The following IL9R variants were observed in gnomAD, a reference collection of about 807,000 sequenced individuals.
IL9R encodes the protein interleukin-9 receptor.
In IL9R, 54 loss-of-function variants were observed where a neutral mutation model predicts 56.3. That is an observed-to-expected ratio of 0.96 (90% confidence interval 0.77 to 1.20). IL9R has a LOEUF of 1.20. Ranked by LOEUF, IL9R falls within the 50% of genes most tolerant of loss-of-function variation. The pLI is 0.00. For missense variants in IL9R, 545 were observed against 629.8 expected (o/e 0.87, Z 1.44); for synonymous variants, 212 against 250.2 (o/e 0.85, Z 1.44).
chrX:155,998,794 C>A (rs1409109244), intron 1 of IL9R, among the ~76,000 whole-genome samples: 1 of 152,024 alleles, frequency 6.6e-6, no homozygotes, highest in African/African-American at 2.4e-5. Flanking sequence ...AGGGTCTTGC[C>A]TCCAGGAGCC....
rs3093492 is a variant in IL9R at position 156,002,506 on chromosome X, T to C, written c.29-400T>C. ...AAAATGTACCTATGGTGGTTGTTGG[T>C]AGTGACCAGTTCCCCCAACCCTGAC... On this transcript the variant is annotated intron_variant, in intron 1 of 8. Coordinates refer to ENST00000244174, the MANE Select transcript of IL9R (RefSeq NM_002186.3). 3.1e-3 allele frequency among the ~76,000 whole-genome samples: 479 copies of C among 152,298 alleles called. 3 individuals are homozygous for C. The highest frequency in any genetic ancestry group is 0.011 in the African/African-American group (454 of 41,558).
At chrX:155,998,804 C>G (rs185252353) in intron 1 of IL9R, among the ~76,000 whole-genome samples, 1 of 152,160 alleles carries the variant, frequency 6.6e-6, no homozygotes, top group Non-Finnish European at 1.5e-5. Context: ...CTCCAGGAGC[C>G]TCATGTAGGG....
chrX:156,010,580 G>C lies in IL9R; in HGVS notation c.*171G>C. The C allele has an allele frequency of 1.2e-5, 3 of 246,726 alleles. No individual in the cohort carries two copies. The South Asian group carries it at 1.5e-4, about 12-fold the overall frequency. The allele number at this position is 246,726 out of a possible 1,614,324, so 15.3% of individuals were successfully genotyped here. A position where few individuals can be genotyped will look rare whatever the true frequency, so the allele number is the denominator to read the frequency against. On this transcript the variant is annotated 3_prime_UTR_variant, in exon 9 of 9. Transcript: ENST00000244174. Reference sequence around the variant, plus strand: ...TCAACCCCTCTGCTCAGTGCCTGTGGGGAGCAGCCTCTACCCTCAGCATCC... The same window carrying C: ...TCAACCCCTCTGCTCAGTGCCTGTGCGGAGCAGCCTCTACCCTCAGCATCC...
intron 1 of IL9R, among the ~76,000 whole-genome samples, chrX:156,002,704 A>G (rs975136017): frequency 6.6e-6 from 1 of 152,198 alleles, no homozygotes; most frequent in Non-Finnish European, 1.5e-5. Flanking sequence ...GCTGAGTCAA[A>G]TGGCCTTTCT....
In IL9R at chrX:156,002,934, G is replaced by A. The variant is rs190109010; in HGVS notation, c.57G>A (p.Arg19=). The change falls in exon 2 of 9, where the codon AGG becomes AGA. Residue 19 remains arginine, a synonymous_variant. Coordinates refer to ENST00000244174, the MANE Select transcript of IL9R (RefSeq NM_002186.3). ...EGWTLESEAL[R]RDMGTWLLAC... ...GGACCTTGGAGAGTGAGGCCCTGAG[G>A]CGAGACATGGGCACCTGGCTCCTGG... 661 of 1,613,918 alleles carry A rather than the reference G, an allele frequency of 4.1e-4. 4 individuals carry two copies. In the East Asian group the frequency reaches 0.011, roughly 27 times the overall value.
rs2067926686 is a variant in IL9R at position 156,006,144 on chromosome X, C to G, written c.843C>G (p.Leu281=). 1.3e-6 allele frequency: 2 copies of G among 1,551,338 alleles called. No individual in the cohort carries two copies. Among genetic ancestry groups the G allele is most frequent in the South Asian group, 1.1e-5 (1 of 89,568 alleles). ...CCCTTGTTGCTGTGTCCATCTTTCTCCTGCTGACTGGCCCGACCTACCTCC... is the reference window on the plus strand; with the variant it reads ...CCCTTGTTGCTGTGTCCATCTTTCTGCTGCTGACTGGCCCGACCTACCTCC... ...GNTLVAVSIF[L]LLTGPTYLLF... is the part of the protein sequence containing the mutation. Residue 281 remains leucine, a synonymous_variant, in exon 7 of 9, where the codon CTC becomes CTG. Coordinates refer to ENST00000244174, the MANE Select transcript of IL9R (RefSeq NM_002186.3).
At chrX:156,001,413 G>A in intron 1 of IL9R, 2 of 1,608,178 alleles carry the variant, frequency 1.2e-6, no homozygotes, top group Non-Finnish European at 1.7e-6. Context: ...TCCAGTAACT[G>A]CTGCAAGAAC....
At chrX:156,005,627 C>A (rs2067879090) in intron 6 of IL9R, 148 bp downstream of exon 6, 2 of 690,596 alleles carry the variant, frequency 2.9e-6, no homozygotes, top group Non-Finnish European at 5.1e-6. Context: ...CTCTGAAGGT[C>A]TGAGGTCTGT....
In IL9R at chrX:156,005,482, G is replaced by T. The variant is rs1454483026; in HGVS notation, c.781+3G>T. ...CTTCCAGGCTCCCCAGAGACAAGGT[G>T]GGCACTGCTGTGGCTGCTGCACTTC... is the stretch of plus-strand genomic sequence containing the variant. On this transcript the variant is annotated splice_donor_region_variant and intron_variant, in intron 6 of 8. Coordinates refer to ENST00000244174, the MANE Select transcript of IL9R (RefSeq NM_002186.3). 1 of 1,611,630 alleles carries T rather than the reference G, an allele frequency of 6.2e-7. No homozygotes were observed. Among genetic ancestry groups the T allele is most frequent in the Non-Finnish European group, 8.5e-7 (1 of 1,178,818 alleles).
intron 7 of IL9R, among the ~76,000 whole-genome samples, chrX:156,006,998 T>C (rs780445048): frequency 9.9e-5 from 15 of 151,438 alleles, no homozygotes; most frequent in Non-Finnish European, 2.1e-4. Flanking sequence ...AGAAGGGACA[T>C]GTGGGTGGAT....
intron 1 of IL9R, among the ~76,000 whole-genome samples, chrX:155,999,294 C>G (rs1305998135): frequency 6.6e-6 from 1 of 152,126 alleles, no homozygotes; most frequent in African/African-American, 2.4e-5. Flanking sequence ...AGTGCCAAGT[C>G]CAGCCCTGAC....
At chrX:156,007,321 A>G (rs1437902512) in intron 7 of IL9R, among the ~76,000 whole-genome samples, 1 of 149,120 alleles carries the variant, frequency 6.7e-6, no homozygotes, top group African/African-American at 2.5e-5. Context: ...CTCAGTATAA[A>G]TCAGTTCTAT....
chrX:156,003,949 GC>G, intron 4 of IL9R, 94 bp downstream of exon 4: 2 of 1,303,614 alleles, frequency 1.5e-6, no homozygotes, highest in Non-Finnish European at 1.1e-6. Flanking sequence ...CCTGTGAGTG[GC>G]CCAGTGAGTG....
rs1301336968 is a variant in IL9R at position 156,002,906 on chromosome X, G to C, written c.29G>C (p.Gly10Ala). MGLGRCIWE[G>A]WTLESEALRR... is the part of the protein sequence containing the mutation. ...GGGCCCTCAGCCCAGTCCCTTGCAGGCTGGACCTTGGAGAGTGAGGCCCTG... is the reference window on the plus strand; with the variant it reads ...GGGCCCTCAGCCCAGTCCCTTGCAGCCTGGACCTTGGAGAGTGAGGCCCTG... The change falls in exon 2 of 9, where the codon GGC becomes GCC. Residue 10 changes from glycine (G) to alanine (A), a missense_variant and splice_region_variant. Gly to Ala is a moderately conservative substitution (Grantham distance 60). Transcript: ENST00000244174. 1 of 1,613,864 alleles carries C rather than the reference G, an allele frequency of 6.2e-7. No individual in the cohort carries two copies. The highest frequency in any genetic ancestry group is 1.7e-5 in the Admixed American group (1 of 60,024).
intron 1 of IL9R, chrX:156,001,347 A>C: frequency 8.7e-7 from 1 of 1,144,874 alleles, no homozygotes; most frequent in Non-Finnish European, 1.3e-6. Flanking sequence ...TGGTGACTCC[A>C]ACCCTGCCCT....
At chrX:155,998,071 T>G (rs1197361685) in intron 1 of IL9R, among the ~76,000 whole-genome samples, 1 of 152,050 alleles carries the variant, frequency 6.6e-6, no homozygotes, top group Non-Finnish European at 1.5e-5. Flanking sequence ...GAATTTCTAA[T>G]TATGGAAGGA....
At chrX:156,003,406 C>A in intron 2 of IL9R, 43 bp from the exon 3 acceptor site, 1 of 1,398,028 alleles carries the variant, frequency 7.2e-7, no homozygotes, top group Middle Eastern at 2.5e-4. Context: ...TCAGCTCTGG[C>A]CTGAAGTACT....
Position 156,002,833 on chromosome X carries a change from G to A in IL9R, c.29-73G>A. 1.9e-6 allele frequency: 3 copies of A among 1,609,680 alleles called. No individual in the cohort carries two copies. The East Asian group carries it at 6.7e-5, about 36-fold the overall frequency. On this transcript the variant is annotated intron_variant, in intron 1 of 8. Coordinates refer to ENST00000244174, the MANE Select transcript of IL9R (RefSeq NM_002186.3). ...TGGGGACCCATGGAGCACTCTGCTG[G>A]GGAGCAATTCATGGGGAGCACCCCT... is the stretch of plus-strand genomic sequence containing the variant.
Position 155,999,618 on chromosome X carries a change from G to A in IL9R, c.28+1831G>A, listed in dbSNP as rs3093468. Among the ~76,000 whole-genome samples, 302 of 152,194 alleles carry A rather than the reference G, an allele frequency of 2.0e-3. 3 individuals are homozygous for A. Among genetic ancestry groups the A allele is most frequent in the African/African-American group, 7.1e-3 (295 of 41,514 alleles). On this transcript the variant is annotated intron_variant, in intron 1 of 8. Coordinates refer to ENST00000244174, the MANE Select transcript of IL9R (RefSeq NM_002186.3). The stretch of plus-strand genomic sequence containing the variant: ...CCTCATGTGGTCCAGAGAGGGAGCT[G>A]GCCCCTGCTCCCATTTCCAGCACCA...
Sources: gnomAD v4.1 joint callset for allele counts (sites outside exome capture counted in the v4.1 genomes callset) on GRCh38, gnomAD v4.1.1 for gene constraint, MANE v1.5 for transcripts, NCBI Gene and HGNC (gene_info 2026-07-23, HGNC 2026-07-21) for gene names.